The following MECR variants were observed in gnomAD, a reference collection of about 807,000 sequenced individuals.
MECR encodes the protein enoyl-[acyl-carrier-protein] reductase, mitochondrial.
A neutral mutation model predicts 49.1 loss-of-function variants in MECR; 37 were observed. The ratio of observed to expected loss-of-function variants is 0.75; its 90% CI spans 0.58 to 0.99. MECR has a LOEUF of 0.99. MECR is among the 50% of genes least tolerant of loss of function. MECR has a pLI of 0.00. For synonymous variants in MECR, 198 were observed against 191.1 expected, an observed-to-expected ratio of 1.04 and a Z score of -0.30; for missense variants, 470 against 479.6, an observed-to-expected ratio of 0.98 and a Z score of 0.19.
chr1:29,216,554 G>A, intron 2 of MECR, 34 bp downstream of exon 2: 1 of 1,600,890 alleles, frequency 6.2e-7, no homozygotes, highest in East Asian at 2.2e-5. Flanking sequence ...GAACAAAAAA[G>A]CCAATTAACA....
intron 3 of MECR, among the ~76,000 whole-genome samples, chr1:29,210,246 TCGTGATCC>T (rs1677650411): frequency 6.6e-6 from 1 of 152,166 alleles, no homozygotes; most frequent in Non-Finnish European, 1.5e-5. Context: ...TCTCCTGACC[TCGTGATCC>T]GCCCATCTTG....
chr1:29,199,506 C>A (rs547886573), intron 7 of MECR, among the ~76,000 whole-genome samples: 1 of 152,280 alleles, frequency 6.6e-6, no homozygotes, highest in South Asian at 2.1e-4. Flanking sequence ...GGATTATAGG[C>A]TTGAGCCACT....
intron 1 of MECR, among the ~76,000 whole-genome samples, chr1:29,221,952 T>C (rs1680876032): frequency 6.6e-6 from 1 of 152,178 alleles, no homozygotes; most frequent in South Asian, 2.1e-4. Flanking sequence ...CCAAATTTAA[T>C]GGAAAGGAAA....
chr1:29,179,126 T>C, the MECR span, among the ~76,000 whole-genome samples: 2 of 152,226 alleles, frequency 1.3e-5, no homozygotes, highest in African/African-American at 4.8e-5. Flanking sequence ...TGCTCACTTC[T>C]TCCTTCCAGA....
chr1:29,191,181 AG>A (rs1465866957), downstream of MECR, among the ~76,000 whole-genome samples: 1 of 152,162 alleles, frequency 6.6e-6, no homozygotes, highest in Non-Finnish European at 1.5e-5. Flanking sequence ...CAGATCTTGA[AG>A]CGTGGTGTTA....
Position 29,200,626 on chromosome 1 carries a change from C to A in MECR, c.757-37G>T, listed in dbSNP as rs747772734. 6 of 1,585,428 alleles carry A rather than the reference C, an allele frequency of 3.8e-6. No individual in the cohort carries two copies. The South Asian group carries it at 6.6e-5, about 18-fold the overall frequency. ...CAAAAGTGCAGTGAGGGAGCATCCC[C>A]GCTCTACATATGGGGTCTGAAGCTT... On this transcript the variant is annotated intron_variant, in intron 6 of 9. Transcript: ENST00000263702.
intron 3 of MECR, among the ~76,000 whole-genome samples, chr1:29,215,139 T>G (rs1233203752): frequency 6.6e-6 from 1 of 152,224 alleles, no homozygotes; most frequent in East Asian, 1.9e-4. Context: ...CTTTCTGGCC[T>G]TCTTTCTCAC....
At chr1:29,215,022 T>A (rs1239360049) in intron 3 of MECR, among the ~76,000 whole-genome samples, 1 of 151,254 alleles carries the variant, frequency 6.6e-6, no homozygotes, top group African/African-American at 2.4e-5. Context: ...GCTACCTTTT[T>A]AAAAAAAAAT....
chr1:29,181,829 C>G, the MECR span: 1 of 1,267,398 alleles, frequency 7.9e-7, no homozygotes, highest in Non-Finnish European at 1.0e-6. Context: ...AGCACGGCGG[C>G]AGCGGCGGCG....
rs571178913 is a variant in MECR, at chr1:29,201,273, A to G, written c.756+670T>C. The stretch of plus-strand genomic sequence containing the variant: ...CAGCTGATATTATATATGCTGATCT[A>G]CTGCTTCAGAAATGTTCGCAAGAAG... On this transcript the variant is annotated intron_variant, in intron 6 of 9. Coordinates refer to ENST00000263702, the MANE Select transcript of MECR (RefSeq NM_016011.5). This position sits in a 1 kb window ranked among gnomAD's most constrained non-coding sequence, Gnocchi z 4.3. The G allele has an allele frequency of 1.6e-5, 7 of 429,692 alleles. No homozygotes were observed. The East Asian group carries it at 3.7e-4, about 23-fold the overall frequency. The allele number at this position is 429,692 out of a possible 1,614,324, so 26.6% of individuals were successfully genotyped here. A position where few individuals can be genotyped will look rare whatever the true frequency, so the allele number is the denominator to read the frequency against.
intron 1 of MECR, among the ~76,000 whole-genome samples, chr1:29,227,146 TAG>T (rs1491234372): frequency 6.6e-6 from 1 of 151,912 alleles, no homozygotes; most frequent in Non-Finnish European, 1.5e-5. Context: ...GTATTTTTAG[TAG>T]AGACAGGGTT....
chr1:29,174,567 G>C, the MECR span, among the ~76,000 whole-genome samples: 1 of 151,746 alleles, frequency 6.6e-6, no homozygotes, highest in Non-Finnish European at 1.5e-5. Flanking sequence ...CAGGCTGTTA[G>C]GGTGAAACAA....
chr1:29,182,093 T>G, the MECR span: 1 of 215,292 alleles, frequency 4.6e-6, no homozygotes, highest in Non-Finnish European at 9.0e-6. Flanking sequence ...GCCAAAGGGG[T>G]TCCTGCACCG....
At chr1:29,220,378 G>A (rs1225309517) in intron 1 of MECR, among the ~76,000 whole-genome samples, 1 of 152,102 alleles carries the variant, frequency 6.6e-6, no homozygotes, top group African/African-American at 2.4e-5. Context: ...TCCAACCTGG[G>A]CGACAAAGTG....
rs1673323398 is a variant in MECR, at chr1:29,193,866, T to G, written c.*156A>C. On this transcript the variant is annotated 3_prime_UTR_variant, in exon 10 of 10. Transcript: ENST00000263702. The stretch of plus-strand genomic sequence containing the variant: ...TTATTAGATACCTTAAGGCTGGCCC[T>G]GGGGAAAACCGTGGCTGGCTTCACC... 1 of 855,998 alleles carries G rather than the reference T, an allele frequency of 1.2e-6. No individual in the cohort carries two copies. Among genetic ancestry groups the G allele is most frequent in the Non-Finnish European group, 1.8e-6 (1 of 558,072 alleles). The allele number at this position is 855,998 out of a possible 1,614,324, so 53.0% of individuals were successfully genotyped here.
chr1:29,191,810 C>G (rs1673140232), downstream of MECR, among the ~76,000 whole-genome samples: 1 of 152,132 alleles, frequency 6.6e-6, no homozygotes, highest in Non-Finnish European at 1.5e-5. Context: ...ATTAAACCTT[C>G]TGGCCGGGTG....
chr1:29,220,228 T>TG (rs1553347150), intron 1 of MECR, among the ~76,000 whole-genome samples: 9 of 140,346 alleles, frequency 6.4e-5, no homozygotes, highest in African/African-American at 5.3e-5. Flanking sequence ...CCGTCTCTAC[T>TG]AAAAAAAAAA....
the MECR span, among the ~76,000 whole-genome samples, chr1:29,183,339 G>A: frequency 6.6e-6 from 1 of 152,156 alleles, no homozygotes; most frequent in Admixed American, 6.5e-5. Context: ...ATTGAAATAA[G>A]TTCCAACCTT....
chr1:29,172,198 G>A, the MECR span: 2 of 152,094 alleles, frequency 1.3e-5, no homozygotes, highest in African/African-American at 4.8e-5. Context: ...ATAAAACAAT[G>A]ACAGAATGCT....
Sources: allele counts gnomAD v4.1 joint callset (sites outside exome capture counted in the v4.1 genomes callset), GRCh38; gene constraint gnomAD v4.1.1; non-coding constraint Gnocchi (gnomAD v3.1); transcripts MANE v1.5; gene names NCBI Gene and HGNC (gene_info 2026-07-23, HGNC 2026-07-21).